CDH4: variants seen among roughly 807,000 people sequenced by gnomAD.
The protein encoded by CDH4 is cadherin-4.
A neutral mutation model predicts 86.0 loss-of-function variants in CDH4; 33 were observed. The observed-to-expected ratio is 0.38, with a 90% CI of 0.29 to 0.51. The LOEUF (loss-of-function observed/expected upper bound fraction) is 0.51. CDH4 is among the 20% of genes least tolerant of loss of function. The pLI is 0.86. For missense variants in CDH4, 1,114 were observed against 1,307.4 expected (o/e 0.85, Z 2.28); for synonymous variants, 555 against 549.4 (o/e 1.01, Z -0.14).
At chr20:61,497,448 G>A (rs1472807239) in intron 2 of CDH4, among the ~76,000 whole-genome samples, 1 of 152,066 alleles carries the variant, frequency 6.6e-6, no homozygotes, top group Non-Finnish European at 1.5e-5. Flanking sequence ...AAGATTTGGG[G>A]TTTTTTGTTG....
At chr20:61,270,046 CT>C (rs2084176054) in intron 2 of CDH4, among the ~76,000 whole-genome samples, 1 of 152,202 alleles carries the variant, frequency 6.6e-6, no homozygotes, top group Non-Finnish European at 1.5e-5. Flanking sequence ...ACTTTCTCCC[CT>C]AATGGTCTTT....
intron 2 of CDH4, among the ~76,000 whole-genome samples, chr20:61,551,968 A>T (rs2086134124): frequency 6.6e-6 from 1 of 152,334 alleles, no homozygotes; most frequent in East Asian, 1.9e-4. Context: ...CACACCATAT[A>T]CAAAAGTTAA....
chr20:61,357,123 C>T (rs982054730), intron 2 of CDH4, among the ~76,000 whole-genome samples: 6 of 152,192 alleles, frequency 3.9e-5, no homozygotes, highest in Admixed American at 2.6e-4. Flanking sequence ...ATGGCCATGC[C>T]GCCATCTTGG....
At chr20:61,396,033 G>A (rs781640944) in intron 2 of CDH4, among the ~76,000 whole-genome samples, 3 of 152,092 alleles carry the variant, frequency 2.0e-5, no homozygotes, top group African/African-American at 4.8e-5. Context: ...ATGTGGGGCC[G>A]CCAAATTTGT....
rs866907754 is a variant in CDH4, at chr20:61,933,068, G to A, written c.2323G>A (p.Asp775Asn). The A allele has an allele frequency of 1.2e-5, 19 of 1,613,112 alleles. No homozygotes were observed. Among genetic ancestry groups the A allele is most frequent in the African/African-American group, 8.0e-5 (6 of 74,942 alleles). Residue 775 changes from aspartate to asparagine, a missense_variant, in exon 14 of 16, where the codon GAC (aspartate) becomes AAC (asparagine). Around this residue, in one of 3 missense-constraint regions of CDH4, gnomAD observed 705 missense variants for 914.1 expected, o/e 0.77. Transcript: ENST00000614565. ...GCAGCTGCTCATTGACCCCGAGGAC[G>A]ACGTCCGCGACAACATCCTCAAGTA... The part of the protein sequence containing the change: ...TKQLLIDPED[D>N]VRDNILKYDE...
chr20:61,590,876 T>TGC (rs535456574), intron 2 of CDH4, among the ~76,000 whole-genome samples: 10,535 of 137,298 alleles, frequency 0.077, 1,032 homozygotes, highest in African/African-American at 0.16. Flanking sequence ...CCTAAATCTA[T>TGC]GGGGGGGGGG....
chr20:61,299,874 C>T (rs888242120), intron 2 of CDH4, among the ~76,000 whole-genome samples: 2 of 152,126 alleles, frequency 1.3e-5, no homozygotes, highest in African/African-American at 2.4e-5. Flanking sequence ...CCATAGAAGC[C>T]GCCAGCACTT....
At chr20:61,796,703 G>A (rs568657508) in intron 4 of CDH4, among the ~76,000 whole-genome samples, 6 of 152,314 alleles carry the variant, frequency 3.9e-5, no homozygotes, top group African/African-American at 1.2e-4. Flanking sequence ...GCTCCATGGT[G>A]TGGAAGCCGC....
At chr20:61,721,838 G>A (rs1017515493) in intron 2 of CDH4, among the ~76,000 whole-genome samples, 3 of 152,132 alleles carry the variant, frequency 2.0e-5, no homozygotes, top group South Asian at 2.1e-4. Flanking sequence ...GGATGGGCAG[G>A]AATCTTGACA....
chr20:61,769,904 G>C (rs2088753921), intron 3 of CDH4, among the ~76,000 whole-genome samples: 1 of 152,202 alleles, frequency 6.6e-6, no homozygotes, highest in South Asian at 2.1e-4. Context: ...GTAGAGACCA[G>C]CTCCCAGGGA....
In CDH4 at chr20:61,565,465, C is replaced by G. The variant is rs1444375835; in HGVS notation, c.170-178098C>G. ...AGGCCTGATCAGACCATGTAACAAC[C>G]CTAGAAAGGCTATGAGGAAGAGCTC... On this transcript the variant is annotated intron_variant, in intron 2 of 15. Coordinates refer to ENST00000614565, the MANE Select transcript of CDH4 (RefSeq NM_001794.5). Among the ~76,000 whole-genome samples, 6 of 148,750 alleles carry G rather than the reference C, an allele frequency of 4.0e-5. No individual in the cohort carries two copies. The East Asian group carries it at 1.2e-3, about 29-fold the overall frequency.
intron 2 of CDH4, among the ~76,000 whole-genome samples, chr20:61,641,155 G>A (rs1439022106): frequency 2.0e-5 from 3 of 152,206 alleles, no homozygotes; most frequent in Admixed American, 1.3e-4. Context: ...AGGGGACCCC[G>A]GAGAGGGAGA....
chr20:61,383,864 C>T (rs562682657), intron 2 of CDH4, among the ~76,000 whole-genome samples: 3 of 82,316 alleles, frequency 3.6e-5, no homozygotes, highest in Admixed American at 1.0e-4. Context: ...GATATATATG[C>T]GTATATATGA....
At chr20:61,308,297 T>C (rs1259092693) in intron 2 of CDH4, among the ~76,000 whole-genome samples, 1 of 152,156 alleles carries the variant, frequency 6.6e-6, no homozygotes, top group African/African-American at 2.4e-5. Flanking sequence ...ACTATGTGAG[T>C]GCACATACTT....
At chr20:61,547,796 T>C (rs930146446) in intron 2 of CDH4, among the ~76,000 whole-genome samples, 1 of 152,222 alleles carries the variant, frequency 6.6e-6, no homozygotes, top group African/African-American at 2.4e-5. Flanking sequence ...CTGAAATCGT[T>C]TCCCATGCAT....
chr20:61,790,122 C>T (rs1299466797), intron 4 of CDH4, among the ~76,000 whole-genome samples: 1 of 151,820 alleles, frequency 6.6e-6, no homozygotes, highest in Non-Finnish European at 1.5e-5. Flanking sequence ...TCCATTCATC[C>T]ATCCATCCTC....
At chr20:61,430,913 T>C (rs746932561) in intron 2 of CDH4, among the ~76,000 whole-genome samples, 4 of 152,218 alleles carry the variant, frequency 2.6e-5, no homozygotes, top group African/African-American at 7.2e-5. Flanking sequence ...GCCCCCAGGC[T>C]TCAGGGTTCC....
chr20:61,772,720 A>G (rs1375291950), intron 3 of CDH4, among the ~76,000 whole-genome samples: 1 of 152,140 alleles, frequency 6.6e-6, no homozygotes, highest in Non-Finnish European at 1.5e-5. Flanking sequence ...ACTATTGGTG[A>G]CATTGTCCAC....
rs1464581895 is a variant in CDH4 at position 61,658,221 on chromosome 20, G to C, written c.170-85342G>C. ...ACCCCCGAGCCATCCTCCCTTCCAAGTTCCAGATCTCTATTAAAGAGGGCT... is the reference window on the plus strand; with the variant it reads ...ACCCCCGAGCCATCCTCCCTTCCAACTTCCAGATCTCTATTAAAGAGGGCT... On this transcript the variant is annotated intron_variant, in intron 2 of 15. Coordinates refer to ENST00000614565, the MANE Select transcript of CDH4 (RefSeq NM_001794.5). 5.3e-5 allele frequency among the ~76,000 whole-genome samples: 8 copies of C among 152,068 alleles called. No individual in the cohort carries two copies. The South Asian group carries it at 1.0e-3, about 20-fold the overall frequency.
Sources: gnomAD v4.1 joint callset for allele counts (sites outside exome capture counted in the v4.1 genomes callset) on GRCh38, gnomAD v4.1.1 for gene constraint, gnomAD v4.1.1 regional missense constraint, MANE v1.5 for transcripts, NCBI Gene and HGNC (gene_info 2026-07-23, HGNC 2026-07-21) for gene names.